Variants in PTPRT observed in about 807,000 individuals in gnomAD.
PTPRT encodes receptor-type tyrosine-protein phosphatase T.
In PTPRT, 56 loss-of-function variants were observed where a neutral mutation model predicts 176.8. The observed-to-expected ratio is 0.32, with a 90% CI of 0.26 to 0.40. The LOEUF is 0.40. PTPRT is among the 10% of genes least tolerant of loss of function. The probability of loss-of-function intolerance (pLI) is 1.00; values close to 1 mark genes in which losing one functional copy is unlikely to be tolerated. For missense variants in PTPRT, 1,540 were observed against 1,908.2 expected (o/e 0.81, Z 3.60); for synonymous variants, 783 against 739.0 (o/e 1.06, Z -0.96).
chr20:42,519,394 G>C (rs370694125), intron 7 of PTPRT, among the ~76,000 whole-genome samples: 1 of 152,058 alleles, frequency 6.6e-6, no homozygotes, highest in Non-Finnish European at 1.5e-5. Context: ...TTCTAGTTTT[G>C]AGGTTGTTAC....
intron 2 of PTPRT, among the ~76,000 whole-genome samples, chr20:42,843,937 G>A (rs1158723504): frequency 6.6e-6 from 1 of 152,212 alleles, no homozygotes; most frequent in Non-Finnish European, 1.5e-5. Context: ...GAAAATCTCA[G>A]AAACTTGGCC....
rs77301538 is a variant in PTPRT at position 42,326,201 on chromosome 20, G to T, written c.1866-10205C>A. Among the ~76,000 whole-genome samples, 548 of 152,270 alleles carry T rather than the reference G, an allele frequency of 3.6e-3. 3 individuals are homozygous for T. The highest frequency in any genetic ancestry group is 0.013 in the African/African-American group (520 of 41,552). Reference sequence around the variant, plus strand: ...TATGGGGCCAGTTAGGCAATATTTGGGTAGATAACCTTGATATGGGGACCT... The same window carrying T: ...TATGGGGCCAGTTAGGCAATATTTGTGTAGATAACCTTGATATGGGGACCT... On this transcript the variant is annotated intron_variant, in intron 11 of 30. Coordinates refer to ENST00000373187, the MANE Select transcript of PTPRT (RefSeq NM_007050.6).
intron 12 of PTPRT, among the ~76,000 whole-genome samples, chr20:42,305,101 C>T (rs2057524782): frequency 6.6e-6 from 1 of 152,102 alleles, no homozygotes; most frequent in Admixed American, 6.5e-5. Context: ...GCTTGTAATC[C>T]CAGCACTTTG....
intron 9 of PTPRT, among the ~76,000 whole-genome samples, chr20:42,411,242 T>C (rs1388317194): frequency 1.3e-5 from 2 of 151,826 alleles, no homozygotes; most frequent in East Asian, 3.9e-4. Flanking sequence ...GCCAAGAGTT[T>C]AAGACCAGCC....
At chr20:42,392,354 G>T (rs894690347) in intron 9 of PTPRT, among the ~76,000 whole-genome samples, 1 of 151,848 alleles carries the variant, frequency 6.6e-6, no homozygotes, top group South Asian at 2.1e-4. Context: ...AAAATAATAG[G>T]TTTTGATAAG....
chr20:42,864,930 T>C (rs1370670966), intron 2 of PTPRT, among the ~76,000 whole-genome samples: 1 of 152,208 alleles, frequency 6.6e-6, no homozygotes, highest in Non-Finnish European at 1.5e-5. Flanking sequence ...GCATGGAGTG[T>C]TAAATTCAGG....
intron 13 of PTPRT, among the ~76,000 whole-genome samples, chr20:42,273,536 G>T (rs1449117211): frequency 6.6e-6 from 1 of 152,144 alleles, no homozygotes; most frequent in East Asian, 1.9e-4. Context: ...TATTGTCATT[G>T]GTTTATAGAT....
intron 7 of PTPRT, among the ~76,000 whole-genome samples, chr20:42,650,849 C>T (rs777932834): frequency 3.9e-5 from 6 of 152,006 alleles, no homozygotes; most frequent in Non-Finnish European, 5.9e-5. Flanking sequence ...AGAATGACAA[C>T]GGCCAGGCAA....
rs574901061 is a variant in PTPRT, at chr20:42,107,461, C to A, written c.3255-540G>T. On this transcript the variant is annotated intron_variant, in intron 23 of 30. Coordinates refer to ENST00000373187, the MANE Select transcript of PTPRT (RefSeq NM_007050.6). ...ACTGGAGCAGCTGACCGTCCGGAGA[C>A]CCTTGTCAGGGATCAAGTTTCTTGA... is the stretch of plus-strand genomic sequence containing the variant. Among the ~76,000 whole-genome samples the A allele has an allele frequency of 2.0e-5, 3 of 152,340 alleles. No homozygotes were observed. In the South Asian group the frequency reaches 6.2e-4, roughly 32 times the overall value.
chr20:42,270,375 C>CCCCCCCG, intron 13 of PTPRT: 2 of 1,514,974 alleles, frequency 1.3e-6, no homozygotes, highest in Non-Finnish European at 1.8e-6. Flanking sequence ...CCCTCCCACC[C>CCCCCCCG]GCCCAGGGCT....
intron 12 of PTPRT, among the ~76,000 whole-genome samples, chr20:42,308,853 CAG>C (rs2057584928): frequency 6.6e-6 from 1 of 152,178 alleles, no homozygotes; most frequent in African/African-American, 2.4e-5. Flanking sequence ...CCAATTCATT[CAG>C]AGACACAGAA....
At chr20:43,164,290 T>G (rs1033031732) in intron 1 of PTPRT, among the ~76,000 whole-genome samples, 1 of 152,206 alleles carries the variant, frequency 6.6e-6, no homozygotes, top group Non-Finnish European at 1.5e-5. Context: ...TCAACATTTG[T>G]AGAGCACCCA....
chr20:42,888,974 T>C (rs2079147798), intron 1 of PTPRT, among the ~76,000 whole-genome samples: 1 of 152,230 alleles, frequency 6.6e-6, no homozygotes, highest in South Asian at 2.1e-4. Context: ...TTCTTCTAGA[T>C]AAGATTTAAG....
intron 1 of PTPRT, among the ~76,000 whole-genome samples, chr20:43,004,905 T>C (rs907949171): frequency 7.9e-5 from 12 of 152,186 alleles, no homozygotes; most frequent in Non-Finnish European, 1.5e-4. Context: ...ATGACGATGA[T>C]GAAATAACTT....
intron 7 of PTPRT, among the ~76,000 whole-genome samples, chr20:42,516,254 TA>T (rs1568942731): frequency 1.3e-5 from 2 of 149,524 alleles, no homozygotes; most frequent in African/African-American, 2.5e-5. Flanking sequence ...TAAAGTATAA[TA>T]AAAAAATAAA....
intron 7 of PTPRT, among the ~76,000 whole-genome samples, chr20:42,564,629 T>C (rs1347364132): frequency 6.6e-6 from 1 of 151,936 alleles, no homozygotes; most frequent in Non-Finnish European, 1.5e-5. Context: ...TTAAGACAAA[T>C]ACCTAATGCA....
chr20:42,839,248 GC>G (rs954254802), intron 2 of PTPRT, among the ~76,000 whole-genome samples: 2 of 150,894 alleles, frequency 1.3e-5, no homozygotes, highest in Non-Finnish European at 2.9e-5. Flanking sequence ...TAGTCTCAGA[GC>G]AAAAAGCTCT....
chr20:42,872,146 T>C (rs1237244809), intron 2 of PTPRT, among the ~76,000 whole-genome samples: 1 of 152,204 alleles, frequency 6.6e-6, no homozygotes, highest in Non-Finnish European at 1.5e-5. Context: ...TTGAGGAAAG[T>C]TTTAAAAACA....
At chr20:43,151,787 C>G in intron 1 of PTPRT, among the ~76,000 whole-genome samples, 1 of 151,864 alleles carries the variant, frequency 6.6e-6, no homozygotes. Context: ...CACTTGAACC[C>G]GGGAGGCAGA....
Sources: gnomAD v4.1 joint callset for allele counts (sites outside exome capture counted in the v4.1 genomes callset) on GRCh38, gnomAD v4.1.1 for gene constraint, MANE v1.5 for transcripts, NCBI Gene and HGNC (gene_info 2026-07-23, HGNC 2026-07-21) for gene names.